KIF22: variants seen among roughly 807,000 people sequenced by gnomAD.
KIF22 encodes kinesin family member 22.
A neutral mutation model predicts 73.0 loss-of-function variants in KIF22; 62 were observed. The ratio of observed to expected loss-of-function variants is 0.85; its 90% confidence interval spans 0.69 to 1.05. KIF22 has a LOEUF of 1.05. KIF22 is among the 50% of genes least tolerant of loss of function. The pLI, the probability that KIF22 is intolerant of heterozygous loss-of-function variation, is 0.00. For missense variants in KIF22, 854 were observed against 870.1 expected, an observed-to-expected ratio of 0.98 and a Z score of 0.23; for synonymous variants, 411 against 340.1, an observed-to-expected ratio of 1.21 and a Z score of -2.29.
Position 29,798,367 on chromosome 16 carries a change from C to T in KIF22, c.267-7C>T, listed in dbSNP as rs756410291. ...ACACACGCTAATTTCTTTCTTTCTT[C>T]CTGCAGGTTTGATGCCTTCTATGGG... is the stretch of plus-strand genomic sequence containing the variant. On this transcript the variant is annotated splice_polypyrimidine_tract_variant and splice_region_variant and intron_variant, in intron 2 of 13. Transcript: ENST00000160827. This position sits in a 1 kb window ranked among gnomAD's most constrained non-coding sequence, Gnocchi z 4.1. 7 of 1,455,168 alleles carry T rather than the reference C, an allele frequency of 4.8e-6. No individual in the cohort carries two copies. Among genetic ancestry groups the T allele is most frequent in the Non-Finnish European group, 6.5e-6 (7 of 1,082,164 alleles). 90.1% of individuals were successfully genotyped at this position (1,455,168 alleles called of 1,614,324 possible).
At chr16:29,804,269 G>A (rs1276669659) in intron 11 of KIF22, 1 of 618,926 alleles carries the variant, frequency 1.6e-6, no homozygotes, top group East Asian at 2.7e-5. Context: ...TGATGTGGAT[G>A]TACCTCGCAG....
intron 1 of KIF22, among the ~76,000 whole-genome samples, chr16:29,795,206 CCTGA>C (rs746954026): frequency 6.6e-6 from 1 of 152,174 alleles, no homozygotes; most frequent in Admixed American, 6.5e-5. Context: ...CCTGCTTGCT[CCTGA>C]CTTTCAGGAT....
chr16:29,790,890 T>G (rs1198391063), intron 1 of KIF22, 61 bp downstream of exon 1: 30 of 1,555,724 alleles, frequency 1.9e-5, no homozygotes, highest in Non-Finnish European at 2.3e-5. Flanking sequence ...GGGAGTTATG[T>G]GTCGGAGTGT....
Position 29,805,325 on chromosome 16 carries a change from C to G in KIF22, c.*15C>G. ...GCGCCTCCTGACCGTCGTCTCCTCA[C>G]TCCGCCTTTTCAAATTTTTGTATAA... On this transcript the variant is annotated 3_prime_UTR_variant, in exon 14 of 14. Coordinates refer to ENST00000160827, the MANE Select transcript of KIF22 (RefSeq NM_007317.3). 14 of 1,611,728 alleles carry G rather than the reference C, an allele frequency of 8.7e-6. No homozygotes were observed. Among genetic ancestry groups the G allele is most frequent in the Non-Finnish European group, 1.2e-5 (14 of 1,179,640 alleles).
rs778592547 is a variant in KIF22 at position 29,803,614 on chromosome 16, T to C, written c.1609+6T>C. 1 of 1,601,998 alleles carries C rather than the reference T, an allele frequency of 6.2e-7. No individual in the cohort carries two copies. ...GGTGATGCCCCTACAGCTAAGTAAGTTTGACTCCAGGGGCTGGGGGGCCAA... is the reference window on the plus strand; with the variant it reads ...GGTGATGCCCCTACAGCTAAGTAAGCTTGACTCCAGGGGCTGGGGGGCCAA... On this transcript the variant is annotated splice_donor_region_variant and intron_variant, in intron 10 of 13. Transcript: ENST00000160827.
At chr16:29,804,493 ATTC>A (rs1567362751) in intron 11 of KIF22, 1 of 650,904 alleles carries the variant, frequency 1.5e-6, no homozygotes, top group Non-Finnish European at 2.8e-6. Flanking sequence ...AAGACAGCTT[ATTC>A]TTTCCCTTTT....
At chr16:29,800,419 T>C (rs948734989) in intron 8 of KIF22, among the ~76,000 whole-genome samples, 13 of 151,574 alleles carry the variant, frequency 8.6e-5, no homozygotes, top group African/African-American at 1.7e-4. Flanking sequence ...ATTGTGGCCA[T>C]TGCACTCCAG....
In KIF22 at chr16:29,805,111, C is replaced by T. The variant is rs747797061; in HGVS notation, c.1891-4C>T. On this transcript the variant is annotated splice_polypyrimidine_tract_variant and splice_region_variant and intron_variant, in intron 12 of 13. Coordinates refer to ENST00000160827, the MANE Select transcript of KIF22 (RefSeq NM_007317.3). Reference sequence around the variant, plus strand: ...CCTGTCCCCTATCGATCCTGTCCCGCCAGGTGGAGGACCTGGAACGCGTGG... The same window carrying T: ...CCTGTCCCCTATCGATCCTGTCCCGTCAGGTGGAGGACCTGGAACGCGTGG... 1 of 1,613,420 alleles carries T rather than the reference C, an allele frequency of 6.2e-7. No individual in the cohort carries two copies.
chr16:29,798,600 G>T lies in KIF22; in HGVS notation c.402G>T (p.Thr134=). Residue 134 remains threonine (T), a synonymous_variant, in exon 4 of 14, where the codon ACG becomes ACT. Coordinates refer to ENST00000160827, the MANE Select transcript of KIF22 (RefSeq NM_007317.3). The surrounding 1 kb of genome is among the most constrained non-coding windows in gnomAD (Gnocchi z 4.1). The stretch of plus-strand genomic sequence containing the variant: ...TCTCCACTCTCTTCCCAGGGAAGAC[G>T]CACACAATGCTGGGCAGCCCAGAGC... ...LAYGPTGAGK[T]HTMLGSPEQP... The T allele has an allele frequency of 6.2e-7, 1 of 1,613,946 alleles. No homozygotes were observed. The highest frequency in any genetic ancestry group is 8.5e-7 in the Non-Finnish European group (1 of 1,179,934).
intron 9 of KIF22, 144 bp from the exon 10 acceptor site, chr16:29,803,305 C>G: frequency 1.1e-6 from 1 of 897,746 alleles, no homozygotes; most frequent in Non-Finnish European, 1.7e-6. Flanking sequence ...ATGTTAGGCT[C>G]CACCTGTCTC....
intron 1 of KIF22, chr16:29,791,090 T>C: frequency 7.3e-7 from 1 of 1,363,834 alleles, no homozygotes; most frequent in Non-Finnish European, 9.4e-7. Context: ...CCCCGCGCAC[T>C]TTTTCTTTGT....
chr16:29,800,456 T>C (rs1362277410), intron 8 of KIF22, among the ~76,000 whole-genome samples: 1 of 151,704 alleles, frequency 6.6e-6, no homozygotes, highest in East Asian at 1.9e-4. Context: ...AGACTCCGTC[T>C]CAAAGTAAAT....
rs1474438333 is a variant in KIF22, at chr16:29,796,925, G to A, written c.103G>A (p.Ala35Thr). The change falls in exon 2 of 14, where the codon GCT becomes ACT. Residue 35 changes from alanine (A) to threonine (T), a missense_variant. Physicochemically the swap from Ala to Thr is moderately conservative, Grantham distance 58 (BLOSUM62 0). Transcript: ENST00000160827. ...AGRCRLSKIG[A>T]TRRPPPARVR... is the part of the protein sequence containing the mutation. ...TCGCTGTCGGCTAAGCAAGATTGGA[G>A]CTACTCGTCGTCCACCTCCAGCTCG... is the stretch of plus-strand genomic sequence containing the variant. The A allele has an allele frequency of 3.1e-6, 5 of 1,614,006 alleles. No homozygotes were observed. The highest frequency in any genetic ancestry group is 4.2e-6 in the Non-Finnish European group (5 of 1,180,008).
Position 29,805,158 on chromosome 16 carries a change from T to TG in KIF22, c.1936dup (p.Glu646GlyfsTer?). ...GTGGAGGGCATAACGGGGAAACAGA[T>TG]GGAGTCCTTCCTGAAGGTGAAGTCA... is the stretch of plus-strand genomic sequence containing the variant. On this transcript the variant is annotated frameshift_variant, in exon 13 of 14. Transcript: ENST00000160827. LOFTEE classifies it high-confidence loss of function. The TG allele has an allele frequency of 2.5e-6, 4 of 1,613,920 alleles. No individual in the cohort carries two copies. The highest frequency in any genetic ancestry group is 3.4e-6 in the Non-Finnish European group (4 of 1,180,012).
intron 11 of KIF22, chr16:29,804,409 A>G (rs1171568530): frequency 3.2e-6 from 2 of 619,414 alleles, no homozygotes; most frequent in South Asian, 1.8e-5. Context: ...GAACACCACT[A>G]GAACTACCCA....
chr16:29,804,477 T>G lies in KIF22; in HGVS notation c.1678-337T>G. On this transcript the variant is annotated intron_variant, in intron 11 of 13. Transcript: ENST00000160827. ...TTCATATTACTTTCTCCCATGTACT[T>G]TTTGAAAGACAGCTTATTCTTTCCC... The G allele has an allele frequency of 1.2e-5, 8 of 644,478 alleles. No individual in the cohort carries two copies. In the Admixed American group the frequency reaches 1.3e-4, roughly 10 times the overall value. The allele number at this position is 644,478 out of a possible 1,614,324, so 39.9% of individuals were successfully genotyped here.
rs1254298376 is a variant in KIF22 at position 29,804,917 on chromosome 16, A to G, written c.1781A>G (p.Asp594Gly). 7 of 1,610,256 alleles carry G rather than the reference A, an allele frequency of 4.3e-6. No homozygotes were observed. Among genetic ancestry groups the G allele is most frequent in the Non-Finnish European group, 5.9e-6 (7 of 1,178,506 alleles). The change falls in exon 12 of 14, where the codon GAT (aspartate) becomes GGT (glycine). Residue 594 changes from aspartate (D) to glycine (G), a missense_variant. Asp to Gly is a moderately conservative substitution (Grantham distance 94). Coordinates refer to ENST00000160827, the MANE Select transcript of KIF22 (RefSeq NM_007317.3). Reference sequence around the variant, plus strand: ...GCTCATGGGCGCCAAAAAATACTGGATCTGCTGAACGAAGGCTCAGCCCGA... The same window carrying G: ...GCTCATGGGCGCCAAAAAATACTGGGTCTGCTGAACGAAGGCTCAGCCCGA... ...LLAHGRQKIL[D>G]LLNEGSARDL...
rs752408554 is a variant in KIF22 at position 29,805,193 on chromosome 16, CCCT to C, written c.1950+24_1950+26del. The C allele has an allele frequency of 8.1e-6, 13 of 1,614,162 alleles. No homozygotes were observed. Among genetic ancestry groups the C allele is most frequent in the African/African-American group, 1.3e-5 (1 of 75,060 alleles). On this transcript the variant is annotated intron_variant, in intron 13 of 13. Coordinates refer to ENST00000160827, the MANE Select transcript of KIF22 (RefSeq NM_007317.3). ...CCTGAAGGTGAAGTCACGGCCCTGCCCCTCCTCTGCCTGTCCTGCGCCCCGCGC... is the reference window on the plus strand; with the variant it reads ...CCTGAAGGTGAAGTCACGGCCCTGCCCCTCTGCCTGTCCTGCGCCCCGCGC...
chr16:29,805,054 C>CGGGGGGGGGGG, intron 12 of KIF22, 28 bp downstream of exon 12: 1 of 674,452 alleles, frequency 1.5e-6, no homozygotes, highest in Non-Finnish European at 2.6e-6. Context: ...TGGGGGAGGG[C>CGGGGGGGGGGG]GGGGGCGGGG....
Sources: allele counts gnomAD v4.1 joint callset (sites outside exome capture counted in the v4.1 genomes callset), GRCh38; gene constraint gnomAD v4.1.1; non-coding constraint Gnocchi (gnomAD v3.1); transcripts MANE v1.5; gene names NCBI Gene and HGNC (gene_info 2026-07-23, HGNC 2026-07-21).